ZBTB16: variants seen among roughly 807,000 people sequenced by gnomAD.
ZBTB16 encodes the protein zinc finger and BTB domain containing 16, also known as zinc finger and BTB domain-containing protein 16.
Under a neutral mutation model 56.8 loss-of-function variants are expected in ZBTB16, and 8 were observed. The ratio of observed to expected loss-of-function variants is 0.14; its 90% CI spans 0.08 to 0.25. The LOEUF (loss-of-function observed/expected upper bound fraction) is 0.25, where lower values mean the gene tolerates loss of function less well. ZBTB16 is among the 10% of genes least tolerant of loss of function. The pLI, the probability that ZBTB16 is intolerant of heterozygous loss-of-function variation, is 1.00. For synonymous variants in ZBTB16, 363 were observed against 368.5 expected (o/e 0.98, Z 0.17); for missense variants, 625 against 903.0 (o/e 0.69, Z 3.95).
intron 2 of ZBTB16, among the ~76,000 whole-genome samples, chr11:114,142,264 T>G (rs1941971055): frequency 6.6e-6 from 1 of 152,202 alleles, no homozygotes; most frequent in Admixed American, 6.5e-5. Context: ...TCCTGTTGCC[T>G]AAAAACTTTT....
At chr11:114,102,957 A>C (rs1196791907) in intron 2 of ZBTB16, among the ~76,000 whole-genome samples, 2 of 152,142 alleles carry the variant, frequency 1.3e-5, no homozygotes, top group Non-Finnish European at 2.9e-5. Context: ...ATCTAGTCAA[A>C]TGTGGGTACC....
chr11:114,066,508 T>C (rs1939123870), intron 2 of ZBTB16, among the ~76,000 whole-genome samples: 2 of 152,056 alleles, frequency 1.3e-5, no homozygotes, highest in Non-Finnish European at 1.5e-5. Context: ...GAGAACTGGG[T>C]ATGGTGGGAA....
Sources: allele counts gnomAD v4.1 joint callset (sites outside exome capture counted in the v4.1 genomes callset), GRCh38; gene constraint gnomAD v4.1.1; transcripts MANE v1.5; gene names NCBI Gene and HGNC (gene_info 2026-07-23, HGNC 2026-07-21).